Variants in CASD1 observed in about 807,000 individuals in gnomAD.
CASD1 encodes the protein N-acetylneuraminate (7)9-O-acetyltransferase.
CASD1 carries 41 observed loss-of-function variants against 100.0 expected under a neutral mutation model. That is an observed-to-expected ratio of 0.41 (90% CI 0.32 to 0.53). The LOEUF (loss-of-function observed/expected upper bound fraction) is 0.53. Ranked by LOEUF, CASD1 falls within the 20% of genes least tolerant of loss-of-function variation. The pLI is 0.25. For synonymous variants in CASD1, 321 were observed against 315.6 expected (o/e 1.02, Z -0.18); for missense variants, 774 against 948.7 (o/e 0.82, Z 2.42).
chr7:94,583,741 A>G, the CASD1 span, among the ~76,000 whole-genome samples: 1 of 152,174 alleles, frequency 6.6e-6, no homozygotes, highest in African/African-American at 2.4e-5. Context: ...GCTAACTGAA[A>G]AGGTGTTTTA....
chr7:94,536,996 C>T (rs1328577326), intron 8 of CASD1, among the ~76,000 whole-genome samples: 2 of 151,468 alleles, frequency 1.3e-5, no homozygotes, highest in African/African-American at 4.8e-5. Context: ...TGCTTTTTTT[C>T]CCCCACATTT....
chr7:94,543,744 G>A (rs1795536179), intron 10 of CASD1, among the ~76,000 whole-genome samples: 1 of 151,990 alleles, frequency 6.6e-6, no homozygotes, highest in African/African-American at 2.4e-5. Flanking sequence ...TGGAATCACA[G>A]TGTTCTAAGG....
the CASD1 span, chr7:94,603,380 T>C: frequency 1.2e-6 from 2 of 1,613,156 alleles, no homozygotes; most frequent in Admixed American, 1.7e-5. Context: ...TACATCTCAA[T>C]TGATTCTGTG....
At chr7:94,565,011 G>C in the CASD1 span, among the ~76,000 whole-genome samples, 2 of 151,984 alleles carry the variant, frequency 1.3e-5, no homozygotes, top group African/African-American at 4.8e-5. Flanking sequence ...TCAGCCTCCT[G>C]CTCCTCTATT....
At chr7:94,582,475 T>C in the CASD1 span, among the ~76,000 whole-genome samples, 1 of 152,206 alleles carries the variant, frequency 6.6e-6, no homozygotes, top group Non-Finnish European at 1.5e-5. Flanking sequence ...TCGACAATTG[T>C]CTATTCATGT....
intron 2 of CASD1, 135 bp from the exon 3 acceptor site, chr7:94,518,068 C>G: frequency 2.5e-6 from 2 of 803,586 alleles, no homozygotes; most frequent in Non-Finnish European, 3.8e-6. Context: ...TTAAACAAAC[C>G]TGGCCACCTG....
chr7:94,561,663 AT>A (rs1796341991), downstream of CASD1, among the ~76,000 whole-genome samples: 2 of 152,084 alleles, frequency 1.3e-5, no homozygotes, highest in Admixed American at 1.3e-4. Context: ...GAAACTACTG[AT>A]TATTAAACTC....
In CASD1 at chr7:94,551,296, A is replaced by G. The variant is rs201550876; in HGVS notation, c.1816-42A>G. On this transcript the variant is annotated intron_variant, in intron 14 of 17. Transcript: ENST00000297273. ...ACCAAATATTTTTCCTGTTTTTTGA[A>G]AAGTAACTGTTTAAAACAAATTTTC... is the stretch of plus-strand genomic sequence containing the variant. 9.5e-6 allele frequency: 14 copies of G among 1,479,332 alleles called. No homozygotes were observed. In the East Asian group the frequency reaches 3.7e-4, roughly 39 times the overall value. The allele number at this position is 1,479,332 out of a possible 1,614,324, so 91.6% of individuals were successfully genotyped here. A position where few individuals can be genotyped will look rare whatever the true frequency, so the allele number is the denominator to read the frequency against.
the CASD1 span, among the ~76,000 whole-genome samples, chr7:94,575,896 T>G: frequency 6.6e-6 from 1 of 152,208 alleles, no homozygotes; most frequent in African/African-American, 2.4e-5. Context: ...TTTTTCTTGC[T>G]GCTTTCAAGA....
chr7:94,632,662 A>T, the CASD1 span, among the ~76,000 whole-genome samples: 1 of 152,114 alleles, frequency 6.6e-6, no homozygotes, highest in Non-Finnish European at 1.5e-5. Flanking sequence ...TTTCTGTAGC[A>T]TCAGTTTAAA....
At chr7:94,540,858 A>G (rs1343702305) in intron 10 of CASD1, among the ~76,000 whole-genome samples, 3 of 152,156 alleles carry the variant, frequency 2.0e-5, no homozygotes, top group Non-Finnish European at 4.4e-5. Flanking sequence ...TTGCTGACAT[A>G]TTAAAGGGTG....
At chr7:94,628,139 C>CAG in the CASD1 span, 8 of 674,322 alleles carry the variant, frequency 1.2e-5, no homozygotes, top group Non-Finnish European at 1.5e-5. Flanking sequence ...AATTACAATA[C>CAG]ACACACACAC....
chr7:94,591,885 T>G, the CASD1 span, among the ~76,000 whole-genome samples: 1 of 152,234 alleles, frequency 6.6e-6, no homozygotes, highest in Non-Finnish European at 1.5e-5. Flanking sequence ...TATATTGATT[T>G]AGAGACTGAA....
chr7:94,618,659 C>T, the CASD1 span: 12 of 975,554 alleles, frequency 1.2e-5, no homozygotes, highest in East Asian at 5.1e-5. Context: ...CTTATTAAAA[C>T]GAAAAATGCA....
chr7:94,567,262 T>A, the CASD1 span, among the ~76,000 whole-genome samples: 1 of 152,182 alleles, frequency 6.6e-6, no homozygotes, highest in Non-Finnish European at 1.5e-5. Context: ...GACTGCTCTT[T>A]ATTATAGTGA....
the CASD1 span, among the ~76,000 whole-genome samples, chr7:94,612,253 A>G: frequency 5.6e-4 from 86 of 152,274 alleles, no homozygotes; most frequent in Non-Finnish European, 7.4e-4. Flanking sequence ...ATGCTTTGAA[A>G]TGTTTTTTTT....
At position 94,551,339 on chromosome 7, in the gene CASD1, T is replaced by C. The variant is rs1175099757; in HGVS notation, c.1817T>C (p.Val606Ala). The change falls in exon 15 of 18, where the codon GTA (valine) becomes GCA (alanine). Residue 606 changes from valine to alanine, a missense_variant and splice_region_variant. Transcript: ENST00000297273. Reference protein sequence around the residue: ...WWFRWRLDRYVVFHGMLFAFI... With the variant: ...WWFRWRLDRYAVFHGMLFAFI... ...AAATTTTCTCTCTTTACTTTTCAGGTAGTTTTCCACGGAATGCTGTTTGCT... is the reference window on the plus strand; with the variant it reads ...AAATTTTCTCTCTTTACTTTTCAGGCAGTTTTCCACGGAATGCTGTTTGCT... 1.3e-6 allele frequency: 2 copies of C among 1,535,758 alleles called. No homozygotes were observed. The highest frequency in any genetic ancestry group is 1.7e-6 in the Non-Finnish European group (2 of 1,151,716).
chr7:94,585,610 CCATCTTCT>C, the CASD1 span: 1 of 827,308 alleles, frequency 1.2e-6, no homozygotes, highest in Admixed American at 1.7e-5. Context: ...GAGAAAGTTT[CCATCTTCT>C]TAATACAATG....
the CASD1 span, among the ~76,000 whole-genome samples, chr7:94,606,698 A>T: frequency 1.1e-3 from 171 of 152,308 alleles, no homozygotes; most frequent in Non-Finnish European, 1.9e-3. Flanking sequence ...CACATGAAAC[A>T]TTTAGCAACA....
Sources: gnomAD v4.1 joint callset for allele counts (sites outside exome capture counted in the v4.1 genomes callset) on GRCh38, gnomAD v4.1.1 for gene constraint, MANE v1.5 for transcripts, NCBI Gene and HGNC (gene_info 2026-07-23, HGNC 2026-07-21) for gene names.